The following IGFN1 variants were observed in gnomAD, a reference collection of about 807,000 sequenced individuals.
The protein encoded by IGFN1 is immunoglobulin-like and fibronectin type III domain-containing protein 1.
IGFN1 carries 253 observed loss-of-function variants against 289.5 expected under a neutral mutation model. The ratio of observed to expected loss-of-function variants is 0.87; its 90% CI spans 0.79 to 0.97. The LOEUF (loss-of-function observed/expected upper bound fraction) is 0.97. IGFN1 is among the 50% of genes least tolerant of loss of function. The pLI is 0.00. For missense variants in IGFN1, 4,470 were observed against 4,686.1 expected (o/e 0.95, Z 1.35); for synonymous variants, 1,706 against 1,788.5 (o/e 0.95, Z 1.16).
In IGFN1 at chr1:201,228,718, C is replaced by T. The variant is rs879090289; in HGVS notation, c.*319C>T. The T allele has an allele frequency of 1.9e-4, 76 of 399,416 alleles. No individual in the cohort carries two copies. The highest frequency in any genetic ancestry group is 1.4e-3 in the South Asian group (50 of 35,054). 24.7% of individuals were successfully genotyped at this position (399,416 alleles called of 1,614,324 possible). Reference sequence around the variant, plus strand: ...GAGGGCACCTGCCTGCAGGATGGGCCGGCTCCTTATTTTCCTGGGCTGAGC... The same window carrying T: ...GAGGGCACCTGCCTGCAGGATGGGCTGGCTCCTTATTTTCCTGGGCTGAGC... On this transcript the variant is annotated 3_prime_UTR_variant, in exon 24 of 24. Coordinates refer to ENST00000335211, the MANE Select transcript of IGFN1 (RefSeq NM_001164586.2).
intron 7 of IGFN1, 123 bp downstream of exon 7, chr1:201,199,777 C>A: frequency 1.3e-6 from 1 of 774,466 alleles, no homozygotes; most frequent in South Asian, 1.8e-5. Context: ...GCTAGACTGC[C>A]AGTAGCAGAT....
rs55792809 is a variant in IGFN1, at chr1:201,219,620, G to A, written c.9898+962G>A. Among the ~76,000 whole-genome samples, 6 of 152,318 alleles carry A rather than the reference G, an allele frequency of 3.9e-5. No individual in the cohort carries two copies. The East Asian group carries it at 5.8e-4, about 15-fold the overall frequency. On this transcript the variant is annotated intron_variant, in intron 18 of 23. Transcript: ENST00000335211. ...CTCATCCCCTAATCAGTTTGCCTAC[G>A]CCAAGTCCTCTAGGGAGCAGCACAT... is the stretch of plus-strand genomic sequence containing the variant.
In IGFN1 at chr1:201,213,332, C is replaced by T. The variant is rs910628029; in HGVS notation, c.8439C>T (p.Gly2813=). The T allele has an allele frequency of 1.9e-6, 3 of 1,595,818 alleles. No individual in the cohort carries two copies. The highest frequency in any genetic ancestry group is 8.5e-7 in the Non-Finnish European group (1 of 1,171,440). The change falls in exon 12 of 24, where the codon GGC becomes GGT. Residue 2813 remains glycine (G), a synonymous_variant. Transcript: ENST00000335211. Reference sequence around the variant, plus strand: ...CTGGGAGGTCAGGCAGGAGGCCTGGCTCACTCAGGAGCAGGTCTCAGGCAC... The same window carrying T: ...CTGGGAGGTCAGGCAGGAGGCCTGGTTCACTCAGGAGCAGGTCTCAGGCAC... ...EEAGRSGRRP[G]SLRSRSQAQS... is the part of the protein sequence containing the mutation.
At chr1:201,227,234 G>A in intron 23 of IGFN1, 26 bp downstream of exon 23, 1 of 1,527,834 alleles carries the variant, frequency 6.5e-7, no homozygotes, top group Admixed American at 2.0e-5. Context: ...CTGGCAGTGG[G>A]GCAGGAAGGA....
rs1204086802 is a variant in IGFN1, at chr1:201,213,103, C to T, written c.8210C>T (p.Ala2737Val). The change falls in exon 12 of 24, where the codon GCC becomes GTC. Residue 2737 changes from alanine (A) to valine (V), a missense_variant. Ala to Val is a moderately conservative substitution (Grantham distance 64). Transcript: ENST00000335211. ...CCTGGGGAGTCCGGACCTCAGGGAG[C>T]CTGGAATGGCTTAGATGGTCCCTTT... ...PKPGESGPQG[A>V]WNGLDGPFGR... is the part of the protein sequence containing the mutation. 1.3e-6 allele frequency: 2 copies of T among 1,551,604 alleles called. No homozygotes were observed. The highest frequency in any genetic ancestry group is 8.7e-7 in the Non-Finnish European group (1 of 1,146,982).
Position 201,224,752 on chromosome 1 carries a change from A to C in IGFN1, c.10364A>C (p.Lys3455Thr), listed in dbSNP as rs1216046701. The change falls in exon 21 of 24, where the codon AAG becomes ACG. Residue 3455 changes from lysine to threonine, a missense_variant. By Grantham distance (78) the Lys-to-Thr change is moderately conservative. Transcript: ENST00000335211. ...PLPKRSVTVT[K>T]DGLTQLLIPV... is the part of the protein sequence containing the mutation. ...CCCAAAAGAAGTGTGACTGTCACTA[A>C]GGATGGCCTCACCCAGCTTCTGATC... 1 of 1,614,180 alleles carries C rather than the reference A, an allele frequency of 6.2e-7. No individual in the cohort carries two copies. The highest frequency in any genetic ancestry group is 1.1e-5 in the South Asian group (1 of 91,082).
chr1:201,225,870 T>A lies in IGFN1; in HGVS notation c.10533T>A (p.Pro3511=). ...CCATCCACCTGCAGGAGAACGTGCC[T>A]GGGACGGTGACGGCCGAGTGGGAAC... is the stretch of plus-strand genomic sequence containing the variant. ...PGPIHLQENV[P]GTVTAEWEPS... Residue 3511 remains proline, a synonymous_variant, in exon 22 of 24, where the codon CCT becomes CCA. Transcript: ENST00000335211. The A allele has an allele frequency of 6.2e-7, 1 of 1,613,176 alleles. No individual in the cohort carries two copies. The highest frequency in any genetic ancestry group is 8.5e-7 in the Non-Finnish European group (1 of 1,179,802).
Position 201,206,866 on chromosome 1 carries a change from G to A in IGFN1, c.1973G>A (p.Gly658Glu). ...RGRGIVVWGG[G>E]TGLGEAGDSN... ...AGAGGAATAGTAGTGTGGGGTGGTG[G>A]GACTGGCCTGGGAGAAGCTGGAGAC... The change falls in exon 12 of 24, where the codon GGG becomes GAG. Residue 658 changes from glycine to glutamate, a missense_variant. Physicochemically the swap from Gly to Glu is moderately conservative, Grantham distance 98. Coordinates refer to ENST00000335211, the MANE Select transcript of IGFN1 (RefSeq NM_001164586.2). 2 of 1,536,456 alleles carry A rather than the reference G, an allele frequency of 1.3e-6. No individual in the cohort carries two copies. Among genetic ancestry groups the A allele is most frequent in the South Asian group, 1.2e-5 (1 of 83,966 alleles).
chr1:201,206,163 G>A lies in IGFN1; in HGVS notation c.1270G>A (p.Glu424Lys). The change falls in exon 12 of 24, where the codon GAG (glutamate) becomes AAG (lysine). Residue 424 changes from glutamate (E) to lysine (K), a missense_variant. Around this residue, in one of 8 missense-constraint regions of IGFN1, gnomAD observed 2,011 missense variants for 1,953.4 expected, o/e 1.03. Transcript: ENST00000335211. ...RQGAQASGAE[E>K]SGSIESQGEK... is the part of the protein sequence containing the mutation. ...AGGAGCCCAGGCATCAGGAGCAGAA[G>A]AGTCTGGGAGCATCGAGAGCCAGGG... 2 of 1,550,744 alleles carry A rather than the reference G, an allele frequency of 1.3e-6. No individual in the cohort carries two copies. Among genetic ancestry groups the A allele is most frequent in the Non-Finnish European group, 1.7e-6 (2 of 1,146,894 alleles).
Position 201,206,249 on chromosome 1 carries a change from T to G in IGFN1, c.1356T>G (p.Ser452=), listed in dbSNP as rs1436420565. 6.5e-7 allele frequency: 1 copy of G among 1,547,384 alleles called. No homozygotes were observed. The highest frequency in any genetic ancestry group is 1.2e-5 in the South Asian group (1 of 83,732). ...CCCTTGAAGGGGCTGGGCCGGCTTC[T>G]GGGCTCCAGCACATAGCCAGCCCAG... ...GGSLEGAGPA[S]GLQHIASPDR... Residue 452 remains serine, a synonymous_variant, in exon 12 of 24, where the codon TCT becomes TCG. Coordinates refer to ENST00000335211, the MANE Select transcript of IGFN1 (RefSeq NM_001164586.2).
At chr1:201,191,944 G>T (rs1187749086) in intron 1 of IGFN1, among the ~76,000 whole-genome samples, 1 of 139,198 alleles carries the variant, frequency 7.2e-6, no homozygotes, top group Non-Finnish European at 1.6e-5. Context: ...TCACCGACTG[G>T]CACCAGTGCA....
At chr1:201,216,288 T>A (rs1653260247) in intron 15 of IGFN1, 166 bp from the exon 16 acceptor site, 2 of 612,568 alleles carry the variant, frequency 3.3e-6, no homozygotes, top group African/African-American at 3.8e-5. Flanking sequence ...GCCCTCTGGG[T>A]AATGCCCAAG....
At chr1:201,214,337 G>T in intron 13 of IGFN1, 36 bp downstream of exon 13, 1 of 1,576,852 alleles carries the variant, frequency 6.3e-7, no homozygotes, top group Non-Finnish European at 8.7e-7. Flanking sequence ...TTTACCAGTG[G>T]GAGGGACAGA....
intron 9 of IGFN1, 98 bp downstream of exon 9, chr1:201,201,930 C>T (rs918291469): frequency 1.5e-6 from 1 of 679,838 alleles, no homozygotes; most frequent in East Asian, 2.7e-5. Flanking sequence ...TCCAAGGGAA[C>T]AACCAGAGCA....
intron 15 of IGFN1, 116 bp downstream of exon 15, chr1:201,215,954 A>C (rs1179524294): frequency 3.8e-6 from 4 of 1,046,960 alleles, no homozygotes; most frequent in Non-Finnish European, 5.8e-6. Flanking sequence ...CCTCATTTGC[A>C]TGCTGTTTAA....
rs1330201993 is a variant in IGFN1 at position 201,221,569 on chromosome 1, A to T, written c.10024A>T (p.Ser3342Cys). Residue 3342 changes from serine to cysteine, a missense_variant, in exon 19 of 24, where the codon AGC (serine) becomes TGC (cysteine). By Grantham distance (112) the Ser-to-Cys change is moderately radical. Transcript: ENST00000335211. ...CCAGGGGTATGTGGTGGAGCTGTGC[A>T]GCTCAGACAGTCTCCAGTGGCTCCC... is the stretch of plus-strand genomic sequence containing the variant. ...EAQGYVVELC[S>C]SDSLQWLPCH... 1 of 1,614,224 alleles carries T rather than the reference A, an allele frequency of 6.2e-7. No homozygotes were observed. The highest frequency in any genetic ancestry group is 1.3e-5 in the African/African-American group (1 of 75,078).
rs369913949 is a variant in IGFN1, at chr1:201,216,579, C to T, written c.9421C>T (p.Arg3141Trp). The change falls in exon 16 of 24, where the codon CGG becomes TGG. Residue 3141 changes from arginine to tryptophan, a missense_variant. Arg to Trp is a moderately radical substitution (Grantham distance 101, BLOSUM62 -3). Transcript: ENST00000335211. ...TGTAGAGTGCTACGTGGTGGAGAGACGGCAGGCTGGCAGGAGCACTTGGCT... is the reference window on the plus strand; with the variant it reads ...TGTAGAGTGCTACGTGGTGGAGAGATGGCAGGCTGGCAGGAGCACTTGGCT... ...RTVECYVVER[R>W]QAGRSTWLKV... is the part of the protein sequence containing the mutation. The T allele has an allele frequency of 5.0e-5, 80 of 1,613,266 alleles. No homozygotes were observed. The highest frequency in any genetic ancestry group is 1.8e-4 in the Admixed American group (11 of 59,964).
At chr1:201,223,365 T>TTTAC (rs1322217937) in intron 20 of IGFN1, among the ~76,000 whole-genome samples, 1 of 151,014 alleles carries the variant, frequency 6.6e-6, no homozygotes, top group African/African-American at 2.4e-5. Flanking sequence ...TATTTATTTA[T>TTTAC]TTATTTATTT....
chr1:201,192,205 G>T (rs1666690292), intron 1 of IGFN1, among the ~76,000 whole-genome samples: 1 of 152,262 alleles, frequency 6.6e-6, no homozygotes, highest in East Asian at 1.9e-4. Context: ...GGTCAGAAGT[G>T]CCAGTGGGTG....
Sources: allele counts gnomAD v4.1 joint callset (sites outside exome capture counted in the v4.1 genomes callset), GRCh38; gene constraint gnomAD v4.1.1; regional missense constraint gnomAD v4.1.1; transcripts MANE v1.5; gene names NCBI Gene and HGNC (gene_info 2026-07-23, HGNC 2026-07-21).